MRPS27: variants seen among roughly 807,000 people sequenced by gnomAD.
MRPS27 encodes the protein mitochondrial ribosomal protein S27.
Under a neutral mutation model 48.9 loss-of-function variants are expected in MRPS27, and 43 were observed. That is an observed-to-expected ratio of 0.88 (90% CI 0.69 to 1.13). MRPS27 has a LOEUF of 1.13. Ranked by LOEUF, MRPS27 falls within the 50% of genes most tolerant of loss-of-function variation. The pLI, the probability that MRPS27 is intolerant of heterozygous loss-of-function variation, is 0.00. For missense variants in MRPS27, 467 were observed against 476.3 expected, an observed-to-expected ratio of 0.98 and a Z score of 0.18; for synonymous variants, 188 against 171.9, an observed-to-expected ratio of 1.09 and a Z score of -0.73.
chr5:72,239,675 AT>A (rs1201413949), intron 4 of MRPS27, among the ~76,000 whole-genome samples: 1 of 151,724 alleles, frequency 6.6e-6, no homozygotes, highest in African/African-American at 2.4e-5. Flanking sequence ...ATTTGTTTTT[AT>A]TTTTTTATTT....
intron 4 of MRPS27, among the ~76,000 whole-genome samples, chr5:72,244,978 C>A (rs1338579393): frequency 6.6e-6 from 1 of 152,128 alleles, no homozygotes; most frequent in Non-Finnish European, 1.5e-5. Flanking sequence ...TTATCAGCCT[C>A]CAAAGAGCAA....
chr5:72,258,707 C>T (rs1014053713), intron 4 of MRPS27, among the ~76,000 whole-genome samples: 1 of 152,174 alleles, frequency 6.6e-6, no homozygotes, highest in African/African-American at 2.4e-5. Context: ...ACTGCCCTCA[C>T]CAGATAGCAA....
intron 4 of MRPS27, 66 bp downstream of exon 4, chr5:72,295,465 C>A (rs1749952005): frequency 1.6e-6 from 2 of 1,225,316 alleles, no homozygotes; most frequent in African/African-American, 1.5e-5. Context: ...CAACATATAC[C>A]AACTTTTATG....
At chr5:72,287,933 G>T (rs189752340) in intron 4 of MRPS27, among the ~76,000 whole-genome samples, 14 of 152,290 alleles carry the variant, frequency 9.2e-5, no homozygotes, top group Admixed American at 6.5e-4. Context: ...ATGAAAGCAC[G>T]CATCTATACA....
chr5:72,307,252 TGA>T (rs1750296826), intron 2 of MRPS27, among the ~76,000 whole-genome samples: 26 of 152,214 alleles, frequency 1.7e-4, no homozygotes, highest in Admixed American at 9.2e-4. Context: ...CTCGGGAGGC[TGA>T]GGCAGGAGAA....
chr5:72,239,104 CAAAAATCAAACTCTTTTTCTT>C (rs917559866), intron 4 of MRPS27, among the ~76,000 whole-genome samples: 2 of 152,020 alleles, frequency 1.3e-5, no homozygotes, highest in Admixed American at 1.3e-4. Flanking sequence ...CTGGGCTCCA[CAAAAATCAAACTCTTTTTCTT>C]AAAAAGAAAA....
chr5:72,247,071 G>A (rs1013487585), intron 4 of MRPS27, among the ~76,000 whole-genome samples: 14 of 152,182 alleles, frequency 9.2e-5, no homozygotes, highest in Non-Finnish European at 4.4e-5. Context: ...TCCTGCAACT[G>A]TAAAATGAAG....
intron 4 of MRPS27, among the ~76,000 whole-genome samples, chr5:72,293,975 G>A (rs1011341313): frequency 6.6e-6 from 1 of 151,990 alleles, no homozygotes; most frequent in Non-Finnish European, 1.5e-5. Context: ...TCTCATCAAG[G>A]GGTTCGTTTA....
At chr5:72,294,605 T>C (rs1222671645) in intron 4 of MRPS27, 2 of 152,334 alleles carry the variant, frequency 1.3e-5, no homozygotes, top group African/African-American at 4.8e-5. Context: ...AGTCTTTTGC[T>C]ACCATAAATG....
intron 4 of MRPS27, among the ~76,000 whole-genome samples, chr5:72,260,120 T>C (rs1201360114): frequency 6.6e-6 from 1 of 152,226 alleles, no homozygotes; most frequent in East Asian, 1.9e-4. Context: ...TCATTTTTCA[T>C]ATCATTTTTC....
chr5:72,245,867 T>C (rs538101140), intron 4 of MRPS27, among the ~76,000 whole-genome samples: 2 of 152,338 alleles, frequency 1.3e-5, no homozygotes, highest in Non-Finnish European at 2.9e-5. Context: ...ATTAGATTTT[T>C]ATTAAAGAAG....
chr5:72,266,172 G>T (rs1339500331), intron 4 of MRPS27, among the ~76,000 whole-genome samples: 1 of 152,076 alleles, frequency 6.6e-6, no homozygotes, highest in African/African-American at 2.4e-5. Flanking sequence ...TAACAGTGAG[G>T]CATGATAATT....
At chr5:72,245,625 C>T (rs1044949883) in intron 4 of MRPS27, among the ~76,000 whole-genome samples, 10 of 151,854 alleles carry the variant, frequency 6.6e-5, no homozygotes, top group African/African-American at 9.7e-5. Flanking sequence ...AAATAAAAAC[C>T]AGAATTTCTG....
intron 4 of MRPS27, among the ~76,000 whole-genome samples, chr5:72,249,230 T>C (rs769174706): frequency 2.0e-5 from 3 of 152,220 alleles, no homozygotes; most frequent in Non-Finnish European, 4.4e-5. Flanking sequence ...AAATTACTTA[T>C]TACAACAGAA....
At chr5:72,307,943 A>G (rs1411576500) in intron 2 of MRPS27, 1 of 152,274 alleles carries the variant, frequency 6.6e-6, no homozygotes, top group Non-Finnish European at 1.5e-5. Context: ...CAGGTACTAC[A>G]GCAATCACTG....
chr5:72,277,876 G>A (rs190200126), intron 4 of MRPS27, among the ~76,000 whole-genome samples: 1 of 152,220 alleles, frequency 6.6e-6, no homozygotes, highest in East Asian at 1.9e-4. Flanking sequence ...ATAAGTGGGA[G>A]CTGAACAATG....
intron 4 of MRPS27, among the ~76,000 whole-genome samples, chr5:72,255,029 CTTTT>C (rs70999273): frequency 6.3e-3 from 451 of 72,130 alleles, no homozygotes; most frequent in African/African-American, 0.022. Flanking sequence ...CATTTCTTTT[CTTTT>C]TTTTTTTTTT....
At chr5:72,281,923 A>G (rs754896137) in intron 4 of MRPS27, among the ~76,000 whole-genome samples, 1 of 152,238 alleles carries the variant, frequency 6.6e-6, no homozygotes. Context: ...GCCAGTGCAT[A>G]ATGAATACAC....
At chr5:72,261,226 A>G (rs1748963544) in intron 4 of MRPS27, among the ~76,000 whole-genome samples, 1 of 152,132 alleles carries the variant, frequency 6.6e-6, no homozygotes, top group African/African-American at 2.4e-5. Context: ...GTGTGATTAT[A>G]ATGCTGATCA....
Sources: allele counts gnomAD v4.1 joint callset (sites outside exome capture counted in the v4.1 genomes callset), GRCh38; gene constraint gnomAD v4.1.1; transcripts MANE v1.5; gene names NCBI Gene and HGNC (gene_info 2026-07-23, HGNC 2026-07-21).